The following HPSE variants were observed in gnomAD, a reference collection of about 807,000 sequenced individuals.
HPSE encodes the protein heparanase.
A neutral mutation model predicts 65.1 loss-of-function variants in HPSE; 48 were observed. The observed-to-expected ratio is 0.74, with a 90% CI of 0.58 to 0.94. The LOEUF (loss-of-function observed/expected upper bound fraction) is 0.94, where lower values mean the gene tolerates loss of function less well. HPSE is among the 40% of genes least tolerant of loss of function. The pLI is 0.00. For missense variants in HPSE, 644 were observed against 637.5 expected (o/e 1.01, Z -0.11); for synonymous variants, 243 against 260.0 (o/e 0.93, Z 0.63).
At position 83,301,123 on chromosome 4, in the gene HPSE, T is replaced by G. The variant is rs1169530734; in HGVS notation, c.1326-17A>C. The G allele has an allele frequency of 7.2e-6, 11 of 1,517,348 alleles. No individual in the cohort carries two copies. Among genetic ancestry groups the G allele is most frequent in the Non-Finnish European group, 9.9e-6 (11 of 1,116,450 alleles). The allele number at this position is 1,517,348 out of a possible 1,614,324, so 94.0% of individuals were successfully genotyped here. On this transcript the variant is annotated splice_polypyrimidine_tract_variant and intron_variant, in intron 10 of 11. Transcript: ENST00000311412. ...TACCTTGGACTAAAAGCAAAGAGGT[T>G]AACTTAATAGAAATATGTATCTAAT...
upstream of HPSE, chr4:83,335,086 C>A (rs1024387327): frequency 5.0e-5 from 16 of 320,244 alleles, no homozygotes; most frequent in African/African-American, 3.4e-4. Context: ...CGGAGATGGC[C>A]GGGATCCAAG....
intron 11 of HPSE, among the ~76,000 whole-genome samples, chr4:83,296,193 ATTAT>A (rs1735716600): frequency 6.6e-6 from 1 of 152,226 alleles, no homozygotes; most frequent in Non-Finnish European, 1.5e-5. Context: ...ATACATACTT[ATTAT>A]TTAAATCAAA....
At chr4:83,332,319 G>A (rs921509831) in intron 1 of HPSE, among the ~76,000 whole-genome samples, 2 of 152,224 alleles carry the variant, frequency 1.3e-5, no homozygotes, top group Non-Finnish European at 2.9e-5. Flanking sequence ...CTCTAATTTA[G>A]AAGCTAGGTC....
intron 1 of HPSE, among the ~76,000 whole-genome samples, chr4:83,330,997 G>A (rs1737344137): frequency 6.6e-6 from 1 of 152,164 alleles, no homozygotes; most frequent in Admixed American, 6.5e-5. Context: ...CTGAGCTCAG[G>A]AGTTTGAGAT....
Position 83,292,711 on chromosome 4 carries a change from A to T in HPSE, c.*2633T>A, listed in dbSNP as rs527358442. 6.6e-6 allele frequency: 1 copy of T among 152,360 alleles called. No individual in the cohort carries two copies. Among genetic ancestry groups the T allele is most frequent in the African/African-American group, 2.4e-5 (1 of 41,580 alleles). The allele number at this position is 152,360 out of a possible 1,614,324, so 9.4% of individuals were successfully genotyped here. On this transcript the variant is annotated 3_prime_UTR_variant, in exon 12 of 12. Coordinates refer to ENST00000311412, the MANE Select transcript of HPSE (RefSeq NM_001098540.3). Reference sequence around the variant, plus strand: ...AAGAAGAATAATGTATTTTGCAGCAACTTGGACGGAACTGGGGGCTGTTAT... The same window carrying T: ...AAGAAGAATAATGTATTTTGCAGCATCTTGGACGGAACTGGGGGCTGTTAT...
intron 3 of HPSE, among the ~76,000 whole-genome samples, chr4:83,317,671 T>G (rs1736706042): frequency 6.6e-6 from 1 of 152,174 alleles, no homozygotes; most frequent in African/African-American, 2.4e-5. Flanking sequence ...TAGTAAAACT[T>G]TCTTAGAAAT....
At chr4:83,332,346 G>C (rs1737410182) in intron 1 of HPSE, among the ~76,000 whole-genome samples, 2 of 152,220 alleles carry the variant, frequency 1.3e-5, no homozygotes, top group Admixed American at 1.3e-4. Context: ...GAGGAGAGGG[G>C]GTTCCTCCCT....
At chr4:83,335,086 C>T (rs1024387327), upstream of HPSE, 5 of 320,362 alleles carry the variant, frequency 1.6e-5, no homozygotes, top group East Asian at 2.1e-4. Context: ...CGGAGATGGC[C>T]GGGATCCAAG....
chr4:83,311,549 A>T (rs1736375548), intron 4 of HPSE, among the ~76,000 whole-genome samples: 1 of 152,116 alleles, frequency 6.6e-6, no homozygotes, highest in African/African-American at 2.4e-5. Context: ...CATGCCTATA[A>T]TCCCAGCACT....
intron 10 of HPSE, among the ~76,000 whole-genome samples, 179 bp from the exon 11 acceptor site, chr4:83,301,285 G>A (rs1337867281): frequency 1.3e-5 from 2 of 152,040 alleles, no homozygotes; most frequent in Non-Finnish European, 2.9e-5. Flanking sequence ...GATCGTTTTA[G>A]ACCGCTAGTG....
At chr4:83,312,104 G>T (rs191374574) in intron 4 of HPSE, among the ~76,000 whole-genome samples, 37 of 152,242 alleles carry the variant, frequency 2.4e-4, no homozygotes, top group East Asian at 5.8e-4. Flanking sequence ...AATGAGAAAG[G>T]AAGGGATGAA....
rs1735986640 is a variant in HPSE, at chr4:83,302,396, T to G, written c.1207-128A>C. ...CACTGTTATCCTGGGGGCATTTAAA[T>G]AGGATTCATCTTTTTTTTTTTTTTC... On this transcript the variant is annotated intron_variant, in intron 9 of 11. Transcript: ENST00000311412. 5 of 617,394 alleles carry G rather than the reference T, an allele frequency of 8.1e-6. No homozygotes were observed. The East Asian group carries it at 1.1e-4, about 14-fold the overall frequency. The allele number at this position is 617,394 out of a possible 1,614,324, so 38.2% of individuals were successfully genotyped here.
At position 83,324,113 on chromosome 4, in the gene HPSE, C is replaced by CTT. The variant is rs398051210; in HGVS notation, c.228-1751_228-1750dup. On this transcript the variant is annotated intron_variant, in intron 1 of 11. Coordinates refer to ENST00000311412, the MANE Select transcript of HPSE (RefSeq NM_001098540.3). ...CTGATTGCCAATACTTCTTCTTCTT[C>CTT]TTTTTTTTTTTTTTTTTTTTTTTTT... is the stretch of plus-strand genomic sequence containing the variant. 9.9e-3 allele frequency among the ~76,000 whole-genome samples: 738 copies of CTT among 74,700 alleles called. 62 individuals are homozygous for CTT. The highest frequency in any genetic ancestry group is 0.028 in the African/African-American group (541 of 19,168). The allele number at this position is 74,700 out of a possible 152,430, so 49.0% of individuals were successfully genotyped here.
chr4:83,335,138 C>T (rs1404833718), upstream of HPSE: 2 of 221,164 alleles, frequency 9.0e-6, no homozygotes, highest in Non-Finnish European at 1.8e-5. Context: ...GAGGAGCGCC[C>T]GGGGAGCAGC....
intron 8 of HPSE, among the ~76,000 whole-genome samples, chr4:83,306,650 CCTT>C (rs1736157516): frequency 6.6e-6 from 1 of 152,134 alleles, no homozygotes; most frequent in African/African-American, 2.4e-5. Flanking sequence ...TTTAAGCTGT[CCTT>C]CTTCATTCCT....
rs1735629815 is a variant in HPSE, at chr4:83,293,791, A to G, written c.*1553T>C. 6.6e-6 allele frequency: 1 copy of G among 152,192 alleles called. No individual in the cohort carries two copies. Among genetic ancestry groups the G allele is most frequent in the South Asian group, 2.1e-4 (1 of 4,832 alleles). The allele number at this position is 152,192 out of a possible 1,614,324, so 9.4% of individuals were successfully genotyped here. On this transcript the variant is annotated 3_prime_UTR_variant, in exon 12 of 12. Transcript: ENST00000311412. The stretch of plus-strand genomic sequence containing the variant: ...TATCTAACAATCTGTCCTCTCACAT[A>G]TTATTGCTGACAAAGAAAACCGAAA...
At chr4:83,307,157 A>G (rs1736172794) in intron 8 of HPSE, among the ~76,000 whole-genome samples, 1 of 152,204 alleles carries the variant, frequency 6.6e-6, no homozygotes, top group African/African-American at 2.4e-5. Context: ...TGATTTGAGT[A>G]ATAATAAAAC....
intron 11 of HPSE, among the ~76,000 whole-genome samples, chr4:83,299,964 A>G (rs1242771096): frequency 6.6e-6 from 1 of 152,106 alleles, no homozygotes; most frequent in East Asian, 1.9e-4. Flanking sequence ...CAGCTTCCCA[A>G]AGTGTTGGGA....
intron 10 of HPSE, 104 bp from the exon 11 acceptor site, chr4:83,301,210 C>T (rs1226907064): frequency 4.5e-6 from 3 of 666,130 alleles, no homozygotes; most frequent in Admixed American, 6.4e-5. Flanking sequence ...TAATGACAAT[C>T]CATAATGCAT....
Sources: allele counts gnomAD v4.1 joint callset (sites outside exome capture counted in the v4.1 genomes callset), GRCh38; gene constraint gnomAD v4.1.1; transcripts MANE v1.5; gene names NCBI Gene and HGNC (gene_info 2026-07-23, HGNC 2026-07-21).